COQ5: variants seen among roughly 807,000 people sequenced by gnomAD.
The protein encoded by COQ5 is 2-methoxy-6-polyprenyl-1,4-benzoquinol methylase, mitochondrial.
COQ5 carries 27 observed loss-of-function variants against 40.5 expected under a neutral mutation model. That is an observed-to-expected ratio of 0.67 (90% CI 0.49 to 0.92). The LOEUF (loss-of-function observed/expected upper bound fraction) is 0.92, where lower values mean the gene tolerates loss of function less well. Among genes scored for constraint, COQ5 ranks in the 40% least tolerant of loss-of-function variants. The probability of loss-of-function intolerance (pLI) is 0.00; values close to 1 mark genes in which losing one functional copy is unlikely to be tolerated. For missense variants in COQ5, 409 were observed against 406.4 expected (o/e 1.01, Z -0.06); for synonymous variants, 141 against 150.0 (o/e 0.94, Z 0.44).
Position 120,510,111 on chromosome 12 carries a change from A to G in COQ5, c.587T>C (p.Val196Ala), listed in dbSNP as rs749747259. The change falls in exon 4 of 7, where the codon GTA becomes GCA. Residue 196 changes from valine to alanine, a missense_variant. Coordinates refer to ENST00000288532, the MANE Select transcript of COQ5 (RefSeq NM_032314.4). ...GGGCAGTTCTTCAGCATCTCCTAAT[A>G]CCCATGCAAGTCCTGAAAGAGAAAG... ...AQGYRAGLAW[V>A]LGDAEELPFD... is the part of the protein sequence containing the mutation. 1 of 1,613,316 alleles carries G rather than the reference A, an allele frequency of 6.2e-7. No individual in the cohort carries two copies. The highest frequency in any genetic ancestry group is 8.5e-7 in the Non-Finnish European group (1 of 1,179,422).
chr12:120,523,029 T>C (rs1869748959), intron 1 of COQ5: 1 of 494,684 alleles, frequency 2.0e-6, no homozygotes, highest in African/African-American at 2.0e-5. Context: ...CTTAAGAGAT[T>C]CTTATAAAAA....
At chr12:120,523,351 A>G in intron 1 of COQ5, 1 of 333,962 alleles carries the variant, frequency 3.0e-6, no homozygotes, top group South Asian at 2.9e-5. Flanking sequence ...AAAAAAAAAT[A>G]GGATTCATAT....
chr12:120,522,615 G>A, intron 1 of COQ5: 2 of 652,008 alleles, frequency 3.1e-6, no homozygotes, highest in Non-Finnish European at 5.4e-6. Context: ...GCAGTCCAGG[G>A]GGGTCACACC....
intron 3 of COQ5, among the ~76,000 whole-genome samples, chr12:120,513,019 C>T (rs1470906045): frequency 2.7e-5 from 4 of 150,792 alleles, no homozygotes; most frequent in African/African-American, 4.9e-5. Context: ...AGGCTATTCT[C>T]GAACTCCTGA....
intron 4 of COQ5, among the ~76,000 whole-genome samples, chr12:120,508,718 C>A (rs1411556003): frequency 2.6e-5 from 4 of 152,124 alleles, no homozygotes; most frequent in African/African-American, 9.7e-5. Flanking sequence ...GCCTTTTGAA[C>A]TTTGAACCTA....
At chr12:120,517,048 CT>C (rs11427513) in intron 2 of COQ5, among the ~76,000 whole-genome samples, 3 of 150,216 alleles carry the variant, frequency 2.0e-5, no homozygotes, top group Non-Finnish European at 4.5e-5. Context: ...TCAACACTAA[CT>C]TTTTTTTTTA....
At chr12:120,512,774 C>T (rs1308173594) in intron 3 of COQ5, among the ~76,000 whole-genome samples, 1 of 151,916 alleles carries the variant, frequency 6.6e-6, no homozygotes, top group East Asian at 1.9e-4. Context: ...AATACTTTTC[C>T]AGGCCAGGTG....
intron 2 of COQ5, 46 bp downstream of exon 2, chr12:120,522,168 G>T: frequency 6.2e-7 from 1 of 1,609,002 alleles, no homozygotes; most frequent in Non-Finnish European, 8.5e-7. Context: ...ACTAATTTCT[G>T]TAAAACATGC....
chr12:120,514,198 TG>T lies in COQ5; in HGVS notation c.574+2368del, dbSNP rs1303511151. Among the ~76,000 whole-genome samples, 8 of 152,212 alleles carry T rather than the reference TG, an allele frequency of 5.3e-5. No homozygotes were observed. The South Asian group carries it at 6.2e-4, about 12-fold the overall frequency. Reference sequence around the variant, plus strand: ...CTGTCCGCCTTCTGACCAGTATTGATGGTTAACAAAGGAGCCCTTCAGCTTG... The same window carrying T: ...CTGTCCGCCTTCTGACCAGTATTGATGTTAACAAAGGAGCCCTTCAGCTTG... On this transcript the variant is annotated intron_variant, in intron 3 of 6. Transcript: ENST00000288532.
intron 1 of COQ5, 113 bp from the exon 2 acceptor site, chr12:120,522,476 G>C: frequency 1.0e-6 from 1 of 987,598 alleles, no homozygotes; most frequent in Non-Finnish European, 1.6e-6. Flanking sequence ...TTTGCAAGGT[G>C]AAACTAAGTC....
At chr12:120,509,019 G>C (rs1285480102) in intron 4 of COQ5, among the ~76,000 whole-genome samples, 4 of 54,430 alleles carry the variant, frequency 7.3e-5, no homozygotes, top group Admixed American at 2.4e-4. Context: ...GCGAGACTCT[G>C]TCTCAAAAAA....
At chr12:120,525,908 G>C (rs1052043654) in intron 1 of COQ5, among the ~76,000 whole-genome samples, 4 of 149,898 alleles carry the variant, frequency 2.7e-5, no homozygotes, top group Non-Finnish European at 5.9e-5. Flanking sequence ...CTGGGCGACA[G>C]AGCGAGACTC....
chr12:120,524,651 T>G (rs1305080058), intron 1 of COQ5, among the ~76,000 whole-genome samples: 1 of 152,144 alleles, frequency 6.6e-6, no homozygotes, highest in Non-Finnish European at 1.5e-5. Context: ...GCCAGAAGGC[T>G]GAATTGGATA....
At chr12:120,512,316 T>C (rs1869170222) in intron 3 of COQ5, among the ~76,000 whole-genome samples, 1 of 151,462 alleles carries the variant, frequency 6.6e-6, no homozygotes, top group African/African-American at 2.4e-5. Flanking sequence ...GATTACTAAA[T>C]TGTAGGACGG....
intron 2 of COQ5, among the ~76,000 whole-genome samples, chr12:120,519,870 CAAA>C (rs1176340696): frequency 1.3e-3 from 132 of 99,164 alleles, no homozygotes; most frequent in Middle Eastern, 0.01. Context: ...GACTTGGACT[CAAA>C]AAAAAAAAAA....
chr12:120,512,977 T>C (rs1285772426), intron 3 of COQ5, among the ~76,000 whole-genome samples: 32 of 151,446 alleles, frequency 2.1e-4, no homozygotes, highest in Admixed American at 2.1e-3. Flanking sequence ...TTTTTGTATT[T>C]TTAGTAGAGA....
intron 1 of COQ5, 135 bp downstream of exon 1, chr12:120,528,805 C>CAAAAAAA (rs35915101): frequency 1.3e-6 from 1 of 740,844 alleles, no homozygotes; most frequent in Non-Finnish European, 2.2e-6. Context: ...ATTCTGTCTC[C>CAAAAAAA]AAAAAAAAAA....
chr12:120,507,785 G>T (rs1426796559), intron 4 of COQ5, among the ~76,000 whole-genome samples: 1 of 148,174 alleles, frequency 6.7e-6, no homozygotes, highest in Non-Finnish European at 1.5e-5. Context: ...TACTTGGGAG[G>T]CTGAGGCAGA....
chr12:120,522,442 T>G, intron 1 of COQ5, 79 bp from the exon 2 acceptor site: 1 of 1,423,652 alleles, frequency 7.0e-7, no homozygotes, highest in Non-Finnish European at 9.9e-7. Flanking sequence ...AGGAGGAAGC[T>G]TTTTTCCCCT....
Sources: gnomAD v4.1 joint callset for allele counts (sites outside exome capture counted in the v4.1 genomes callset) on GRCh38, gnomAD v4.1.1 for gene constraint, MANE v1.5 for transcripts, NCBI Gene and HGNC (gene_info 2026-07-23, HGNC 2026-07-21) for gene names.